Variants in ASB3 observed in about 807,000 individuals in gnomAD.
ASB3 encodes the protein ankyrin repeat and SOCS box protein 3.
Under a neutral mutation model 54.5 loss-of-function variants are expected in ASB3, and 41 were observed. The observed-to-expected ratio is 0.75, with a 90% CI of 0.59 to 0.98. ASB3 has a LOEUF of 0.98. ASB3 is among the 50% of genes least tolerant of loss of function. ASB3 has a pLI of 0.00. For missense variants in ASB3, 733 were observed against 620.0 expected (o/e 1.18, Z -1.94); for synonymous variants, 266 against 221.2 (o/e 1.20, Z -1.80).
intron 1 of ASB3, among the ~76,000 whole-genome samples, chr2:53,781,591 G>T (rs1674653738): frequency 6.6e-6 from 1 of 152,050 alleles, no homozygotes; most frequent in Non-Finnish European, 1.5e-5. Flanking sequence ...TGCCTCCCAG[G>T]TTCAAGTGAT....
At chr2:53,767,857 C>T in intron 1 of ASB3, 6 of 1,586,174 alleles carry the variant, frequency 3.8e-6, no homozygotes, top group Non-Finnish European at 5.1e-6. Context: ...CTAGGGTTCA[C>T]GGCCACTGGG....
At chr2:53,732,248 AC>A (rs1193336994) in intron 3 of ASB3, among the ~76,000 whole-genome samples, 3 of 152,212 alleles carry the variant, frequency 2.0e-5, no homozygotes, top group African/African-American at 7.2e-5. Flanking sequence ...GGCATGAGCC[AC>A]TGCACCTGGC....
At chr2:53,733,859 C>T (rs985771081) in intron 3 of ASB3, among the ~76,000 whole-genome samples, 7 of 152,080 alleles carry the variant, frequency 4.6e-5, no homozygotes, top group Admixed American at 1.3e-4. Flanking sequence ...GATTTACCCA[C>T]GTATTTATTA....
intron 2 of ASB3, among the ~76,000 whole-genome samples, chr2:53,763,327 C>A (rs1413932636): frequency 6.6e-6 from 1 of 152,160 alleles, no homozygotes; most frequent in Non-Finnish European, 1.5e-5. Context: ...CCACTGCACT[C>A]CCACCTGGGC....
chr2:53,716,904 C>A (rs1387181405), intron 5 of ASB3, among the ~76,000 whole-genome samples, 161 bp from the exon 6 acceptor site: 1 of 152,190 alleles, frequency 6.6e-6, no homozygotes, highest in Non-Finnish European at 1.5e-5. Flanking sequence ...ACTTTGCTAA[C>A]TTCTTGGTAA....
chr2:53,753,050 A>C (rs1672610294), intron 2 of ASB3, among the ~76,000 whole-genome samples: 1 of 152,208 alleles, frequency 6.6e-6, no homozygotes, highest in Admixed American at 6.5e-5. Flanking sequence ...CAATTTAAAA[A>C]AAAAAAATCA....
intron 9 of ASB3, among the ~76,000 whole-genome samples, chr2:53,688,726 T>C (rs62139836): frequency 0.2 from 30,664 of 151,330 alleles, 3,419 homozygotes; most frequent in East Asian, 0.45. Flanking sequence ...TAAGTGGGAG[T>C]TGAACAATGA....
At chr2:53,725,100 G>A (rs577002515) in intron 5 of ASB3, among the ~76,000 whole-genome samples, 6 of 152,146 alleles carry the variant, frequency 3.9e-5, no homozygotes, top group Non-Finnish European at 5.9e-5. Context: ...GGAATACTAC[G>A]CAGCCATAGA....
chr2:53,784,149 C>A (rs1349575932), intron 1 of ASB3, among the ~76,000 whole-genome samples: 1 of 152,064 alleles, frequency 6.6e-6, no homozygotes, highest in East Asian at 1.9e-4. Context: ...AGTTTTATAG[C>A]GAATGATGAT....
intron 2 of ASB3, among the ~76,000 whole-genome samples, chr2:53,751,675 T>TAA (rs796715873): frequency 6.9e-6 from 1 of 145,428 alleles, no homozygotes; most frequent in African/African-American, 2.5e-5. Context: ...AAACAGAAAA[T>TAA]AAAAAAAAAA....
chr2:53,720,054 A>G (rs1176935260), intron 5 of ASB3, among the ~76,000 whole-genome samples: 1 of 152,098 alleles, frequency 6.6e-6, no homozygotes, highest in Admixed American at 6.5e-5. Context: ...AAGGACAGAC[A>G]GAACTCAAAC....
intron 7 of ASB3, among the ~76,000 whole-genome samples, chr2:53,712,828 T>G (rs949803275): frequency 6.6e-6 from 1 of 152,134 alleles, no homozygotes; most frequent in East Asian, 1.9e-4. Flanking sequence ...AAATGTTCAG[T>G]TCTGTAACGG....
chr2:53,776,874 AT>A (rs1674369020), intron 1 of ASB3, among the ~76,000 whole-genome samples: 1 of 152,126 alleles, frequency 6.6e-6, no homozygotes, highest in South Asian at 2.1e-4. Context: ...AGACTCAAAG[AT>A]TTTGTAATCC....
At chr2:53,753,467 C>A (rs1222018334) in intron 2 of ASB3, among the ~76,000 whole-genome samples, 1 of 152,070 alleles carries the variant, frequency 6.6e-6, no homozygotes, top group Non-Finnish European at 1.5e-5. Context: ...AGTATGAATT[C>A]ATGTTTAGCT....
At chr2:53,725,085 A>C (rs1572912542) in intron 5 of ASB3, among the ~76,000 whole-genome samples, 1 of 152,250 alleles carries the variant, frequency 6.6e-6, no homozygotes, top group African/African-American at 2.4e-5. Context: ...GTAGATGTAC[A>C]CCATGGAATA....
intron 2 of ASB3, among the ~76,000 whole-genome samples, chr2:53,753,218 G>C (rs775998065): frequency 6.6e-6 from 1 of 152,174 alleles, no homozygotes. Flanking sequence ...ACTGAAAACT[G>C]TAAGACTAAA....
At chr2:53,778,268 G>A (rs1440321815) in intron 1 of ASB3, among the ~76,000 whole-genome samples, 2 of 151,564 alleles carry the variant, frequency 1.3e-5, no homozygotes, top group African/African-American at 4.8e-5. Flanking sequence ...TGTAAACAGT[G>A]AAACAAAACT....
chr2:53,710,427 A>G (rs964475129), intron 7 of ASB3, among the ~76,000 whole-genome samples: 4 of 152,208 alleles, frequency 2.6e-5, no homozygotes, highest in Non-Finnish European at 5.9e-5. Context: ...AAGCACCATT[A>G]TAAGAGCTGC....
chr2:53,728,213 C>A (rs1671115497), intron 5 of ASB3, among the ~76,000 whole-genome samples: 1 of 152,110 alleles, frequency 6.6e-6, no homozygotes, highest in Non-Finnish European at 1.5e-5. Flanking sequence ...ACTTCCCTGG[C>A]AATGCTGAAT....
Sources: allele counts gnomAD v4.1 joint callset (sites outside exome capture counted in the v4.1 genomes callset), GRCh38; gene constraint gnomAD v4.1.1; transcripts MANE v1.5; gene names NCBI Gene and HGNC (gene_info 2026-07-23, HGNC 2026-07-21).